CHRM3: variants seen among roughly 807,000 people sequenced by gnomAD.
CHRM3 encodes the protein cholinergic receptor muscarinic 3.
In CHRM3, 11 loss-of-function variants were observed where a neutral mutation model predicts 41.8. The observed-to-expected ratio is 0.26, with a 90% confidence interval of 0.17 to 0.44. CHRM3 has a LOEUF of 0.44. Among genes scored for constraint, CHRM3 ranks in the 20% least tolerant of loss-of-function variants. The pLI, the probability that CHRM3 is intolerant of heterozygous loss-of-function variation, is 1.00. For missense variants in CHRM3, 571 were observed against 745.4 expected, an observed-to-expected ratio of 0.77 and a Z score of 2.72; for synonymous variants, 297 against 301.4, an observed-to-expected ratio of 0.99 and a Z score of 0.15.
intron 5 of CHRM3, among the ~76,000 whole-genome samples, chr1:239,692,593 T>G (rs1659822585): frequency 6.6e-6 from 1 of 152,136 alleles, no homozygotes; most frequent in South Asian, 2.1e-4. Flanking sequence ...TTGAAGAGGG[T>G]TTGCAGGATA....
chr1:239,908,350 T>C lies in CHRM3; in HGVS notation c.899T>C (p.Met300Thr). 1 of 1,614,074 alleles carries C rather than the reference T, an allele frequency of 6.2e-7. No homozygotes were observed. Residue 300 changes from methionine to threonine, a missense_variant, in exon 7 of 7, where the codon ATG becomes ACG. Coordinates refer to ENST00000676153, the MANE Select transcript of CHRM3 (RefSeq NM_001375978.1). The surrounding 1 kb of genome is among the most constrained non-coding windows in gnomAD (Gnocchi z 7.2). ...AGTTACGAACTTCAACAGCAAAGCA[T>C]GAAACGCTCCAACAGGAGGAAGTAT... ...CSSYELQQQS[M>T]KRSNRRKYGR...
chr1:239,779,929 C>T (rs916501298), intron 5 of CHRM3, among the ~76,000 whole-genome samples: 1 of 152,106 alleles, frequency 6.6e-6, no homozygotes, highest in African/African-American at 2.4e-5. Context: ...TAGTAACATG[C>T]ATTTAAAGTG....
At chr1:239,756,032 T>C (rs985260083) in intron 5 of CHRM3, among the ~76,000 whole-genome samples, 1 of 152,198 alleles carries the variant, frequency 6.6e-6, no homozygotes, top group Non-Finnish European at 1.5e-5. Flanking sequence ...AAGTGAGAAC[T>C]TTTCAAAGCA....
At chr1:239,478,745 G>A (rs1279460496) in intron 1 of CHRM3, among the ~76,000 whole-genome samples, 1 of 152,176 alleles carries the variant, frequency 6.6e-6, no homozygotes, top group Non-Finnish European at 1.5e-5. Context: ...AGGAAATAGA[G>A]TATAAAAATG....
intron 5 of CHRM3, among the ~76,000 whole-genome samples, chr1:239,802,214 A>G (rs1246890115): frequency 6.6e-6 from 1 of 152,230 alleles, no homozygotes; most frequent in Non-Finnish European, 1.5e-5. Flanking sequence ...GGTAGATCCC[A>G]GGGTATGCAA....
intron 5 of CHRM3, among the ~76,000 whole-genome samples, chr1:239,684,468 C>T (rs1004703904): frequency 3.3e-5 from 5 of 151,606 alleles, no homozygotes; most frequent in Admixed American, 1.3e-4. Context: ...CCGAGGAGTG[C>T]GGATCACTTG....
At chr1:239,861,284 T>C (rs1675617304) in intron 6 of CHRM3, among the ~76,000 whole-genome samples, 1 of 152,106 alleles carries the variant, frequency 6.6e-6, no homozygotes, top group South Asian at 2.1e-4. Context: ...GTTTTGGTGA[T>C]ATGAGAGCTT....
intron 2 of CHRM3, among the ~76,000 whole-genome samples, chr1:239,534,499 A>G (rs141468524): frequency 6.6e-6 from 1 of 152,330 alleles, no homozygotes; most frequent in East Asian, 1.9e-4. Flanking sequence ...GTAACTCTGT[A>G]CTGATGCCAA....
intron 6 of CHRM3, among the ~76,000 whole-genome samples, chr1:239,867,021 T>C (rs1055544399): frequency 6.6e-6 from 1 of 152,162 alleles, no homozygotes; most frequent in Non-Finnish European, 1.5e-5. Flanking sequence ...CCTGCATCTG[T>C]CTGACTCTTC....
chr1:239,446,094 A>G (rs536366809), intron 1 of CHRM3, among the ~76,000 whole-genome samples: 7 of 151,938 alleles, frequency 4.6e-5, no homozygotes, highest in Non-Finnish European at 8.8e-5. Flanking sequence ...GCACCACCAC[A>G]CCCGGCTAAT....
chr1:239,455,141 AC>A (rs1664833079), intron 1 of CHRM3, among the ~76,000 whole-genome samples: 1 of 152,022 alleles, frequency 6.6e-6, no homozygotes, highest in Non-Finnish European at 1.5e-5. Flanking sequence ...AGCCTCTGCC[AC>A]CCGGGTTCAA....
intron 3 of CHRM3, among the ~76,000 whole-genome samples, chr1:239,627,747 C>T (rs1336629300): frequency 7.1e-5 from 10 of 140,004 alleles, no homozygotes; most frequent in Non-Finnish European, 1.4e-4. Context: ...TATTTTATTT[C>T]TCCTTCACTT....
At chr1:239,777,882 C>A (rs1401421258) in intron 5 of CHRM3, among the ~76,000 whole-genome samples, 1 of 152,110 alleles carries the variant, frequency 6.6e-6, no homozygotes, top group Non-Finnish European at 1.5e-5. Flanking sequence ...TGGCCAGTTT[C>A]TTTTCTTCAG....
chr1:239,476,348 C>A (rs1490567514), intron 1 of CHRM3, among the ~76,000 whole-genome samples: 1 of 151,850 alleles, frequency 6.6e-6, no homozygotes, highest in Non-Finnish European at 1.5e-5. Context: ...CGCCTGTAAT[C>A]CCAGCTACTT....
intron 4 of CHRM3, among the ~76,000 whole-genome samples, chr1:239,636,513 T>C (rs1670483688): frequency 6.6e-6 from 1 of 152,216 alleles, no homozygotes; most frequent in African/African-American, 2.4e-5. Flanking sequence ...AATTAAATGA[T>C]ATAGCCTCGT....
chr1:239,511,569 G>A (rs1234816822), intron 2 of CHRM3, among the ~76,000 whole-genome samples: 1 of 152,148 alleles, frequency 6.6e-6, no homozygotes, highest in Non-Finnish European at 1.5e-5. Context: ...TCTTTAGTTT[G>A]TGAAATGATT....
chr1:239,808,763 A>G (rs187436506), intron 5 of CHRM3, among the ~76,000 whole-genome samples: 378 of 152,312 alleles, frequency 2.5e-3, no homozygotes, highest in Non-Finnish European at 3.9e-3. Context: ...TGCATTTCCT[A>G]GAAATACACT....
At chr1:239,408,407 C>G (rs1660787380) in intron 1 of CHRM3, among the ~76,000 whole-genome samples, 1 of 151,524 alleles carries the variant, frequency 6.6e-6, no homozygotes, top group Non-Finnish European at 1.5e-5. Flanking sequence ...GCCTTTAGTC[C>G]CAGCTGCTGG....
rs1477466298 is a variant in CHRM3, at chr1:239,642,036, G to A, written c.-250+9750G>A. Among the ~76,000 whole-genome samples the A allele has an allele frequency of 5.5e-5, 7 of 127,022 alleles. 1 individual carries two copies. The highest frequency in any genetic ancestry group is 1.2e-4 in the Non-Finnish European group (7 of 59,982). The allele number at this position is 127,022 out of a possible 152,430, so 83.3% of individuals were successfully genotyped here. A position where few individuals can be genotyped will look rare whatever the true frequency, so the allele number is the denominator to read the frequency against. On this transcript the variant is annotated intron_variant, in intron 4 of 6. Coordinates refer to ENST00000676153, the MANE Select transcript of CHRM3 (RefSeq NM_001375978.1). ...TCCTCCACTTATGAAGCTTAGTTTG[G>A]CTGGATATGAAATTCTGGGTTGAAA...
Sources: allele counts gnomAD v4.1 joint callset (sites outside exome capture counted in the v4.1 genomes callset), GRCh38; gene constraint gnomAD v4.1.1; non-coding constraint Gnocchi (gnomAD v3.1); transcripts MANE v1.5; gene names NCBI Gene and HGNC (gene_info 2026-07-23, HGNC 2026-07-21).